THSD7A: variants seen among roughly 807,000 people sequenced by gnomAD.
The protein encoded by THSD7A is thrombospondin type 1 domain containing 7A.
THSD7A carries 96 observed loss-of-function variants against 231.3 expected under a neutral mutation model. The observed-to-expected ratio is 0.41, with a 90% CI of 0.35 to 0.49. THSD7A has a LOEUF of 0.49. Among genes scored for constraint, THSD7A ranks in the 20% least tolerant of loss-of-function variants. THSD7A has a pLI of 0.05. For missense variants in THSD7A, 2,290 were observed against 2,070.2 expected (o/e 1.11, Z -2.06); for synonymous variants, 940 against 743.3 (o/e 1.26, Z -4.30).
chr7:11,510,589 C>A (rs1373273488), intron 6 of THSD7A, among the ~76,000 whole-genome samples: 1 of 152,182 alleles, frequency 6.6e-6, no homozygotes, highest in Non-Finnish European at 1.5e-5. Flanking sequence ...ATCAAGTTGG[C>A]TTCATCCCTG....
chr7:11,481,504 GC>G (rs1462371062), intron 7 of THSD7A, among the ~76,000 whole-genome samples: 1 of 152,054 alleles, frequency 6.6e-6, no homozygotes, highest in Non-Finnish European at 1.5e-5. Flanking sequence ...CTTCTTAAAG[GC>G]CTAACACTTT....
chr7:11,394,308 G>A (rs542981882), intron 23 of THSD7A, among the ~76,000 whole-genome samples: 44 of 152,232 alleles, frequency 2.9e-4, no homozygotes, highest in Middle Eastern at 3.4e-3. Flanking sequence ...AGACAAGCAA[G>A]TGCTGAGAGA....
intron 2 of THSD7A, among the ~76,000 whole-genome samples, chr7:11,618,561 G>A (rs946671779): frequency 6.6e-6 from 1 of 152,044 alleles, no homozygotes; most frequent in Non-Finnish European, 1.5e-5. Context: ...CAGCATCTTG[G>A]GAGGCCGAGG....
intron 6 of THSD7A, among the ~76,000 whole-genome samples, chr7:11,526,372 A>G (rs1364544491): frequency 6.6e-6 from 1 of 152,042 alleles, no homozygotes; most frequent in Non-Finnish European, 1.5e-5. Flanking sequence ...CTTTTTAAAA[A>G]CTTCAGTGAT....
At chr7:11,641,097 A>C (rs1782060965) in intron 1 of THSD7A, among the ~76,000 whole-genome samples, 1 of 152,154 alleles carries the variant, frequency 6.6e-6, no homozygotes, top group Admixed American at 6.5e-5. Flanking sequence ...GTTATTTCAA[A>C]TTCAGAATTC....
intron 9 of THSD7A, among the ~76,000 whole-genome samples, chr7:11,466,939 T>C (rs1465506937): frequency 2.0e-5 from 3 of 152,004 alleles, no homozygotes; most frequent in Non-Finnish European, 4.4e-5. Context: ...CCACAAGAAA[T>C]GAGCCCTCCC....
chr7:11,819,919 A>G (rs573009171), intron 1 of THSD7A, among the ~76,000 whole-genome samples: 1 of 152,336 alleles, frequency 6.6e-6, no homozygotes, highest in Admixed American at 6.5e-5. Flanking sequence ...GAATGGGAAC[A>G]TAAGGCAACT....
intron 4 of THSD7A, among the ~76,000 whole-genome samples, chr7:11,561,689 G>T (rs181425739): frequency 6.6e-6 from 1 of 152,098 alleles, no homozygotes; most frequent in African/African-American, 2.4e-5. Flanking sequence ...TGGCCAAATG[G>T]CAAAACCCCA....
At chr7:11,662,898 A>G (rs1433741125) in intron 1 of THSD7A, among the ~76,000 whole-genome samples, 2 of 151,466 alleles carry the variant, frequency 1.3e-5, no homozygotes, top group Non-Finnish European at 1.5e-5. Context: ...AAAATTTGTG[A>G]CATAAAGCTA....
intron 1 of THSD7A, among the ~76,000 whole-genome samples, chr7:11,679,037 G>T (rs529065826): frequency 3.4e-4 from 51 of 152,224 alleles, no homozygotes; most frequent in African/African-American, 1.1e-3. Flanking sequence ...TGCAAGGCTG[G>T]TTCAACATAT....
intron 6 of THSD7A, among the ~76,000 whole-genome samples, chr7:11,520,813 T>G (rs925139758): frequency 6.6e-5 from 10 of 152,158 alleles, no homozygotes; most frequent in Non-Finnish European, 1.5e-4. Context: ...ACAGAAGCCT[T>G]CTTCTGTTGG....
At chr7:11,587,859 T>A (rs916509900) in intron 4 of THSD7A, among the ~76,000 whole-genome samples, 8 of 152,278 alleles carry the variant, frequency 5.3e-5, no homozygotes, top group African/African-American at 1.7e-4. Flanking sequence ...GCTTTCAGTA[T>A]TTTTTTGTAC....
intron 2 of THSD7A, among the ~76,000 whole-genome samples, chr7:11,608,917 G>T (rs1163688946): frequency 6.6e-6 from 1 of 152,044 alleles, no homozygotes; most frequent in Non-Finnish European, 1.5e-5. Flanking sequence ...CAATTCTCCT[G>T]TATGTAATTT....
At chr7:11,726,397 A>G (rs532491030) in intron 1 of THSD7A, among the ~76,000 whole-genome samples, 1 of 152,162 alleles carries the variant, frequency 6.6e-6, no homozygotes, top group African/African-American at 2.4e-5. Context: ...TGTAAAACAC[A>G]CTGATTCATA....
At chr7:11,753,682 C>T (rs1005775954) in intron 1 of THSD7A, among the ~76,000 whole-genome samples, 6 of 151,634 alleles carry the variant, frequency 4.0e-5, no homozygotes, top group African/African-American at 1.5e-4. Flanking sequence ...TGCCCTAAGA[C>T]CTGAGACCAT....
At chr7:11,728,032 A>G (rs1234027728) in intron 1 of THSD7A, among the ~76,000 whole-genome samples, 3 of 152,010 alleles carry the variant, frequency 2.0e-5, no homozygotes, top group Non-Finnish European at 4.4e-5. Flanking sequence ...TTGTTACTCC[A>G]AGTATGGTCA....
chr7:11,406,581 A>G lies in THSD7A; in HGVS notation c.4063-107T>C. 7.9e-7 allele frequency: 1 copy of G among 1,263,196 alleles called. No individual in the cohort carries two copies. The highest frequency in any genetic ancestry group is 1.1e-6 in the Non-Finnish European group (1 of 933,576). The allele number at this position is 1,263,196 out of a possible 1,614,324, so 78.2% of individuals were successfully genotyped here. A position where few individuals can be genotyped will look rare whatever the true frequency, so the allele number is the denominator to read the frequency against. Reference sequence around the variant, plus strand: ...CTGACTTTGATTTATGAACATTTAGAGAAGGATTTGAAACCCTAGGGAAGA... The same window carrying G: ...CTGACTTTGATTTATGAACATTTAGGGAAGGATTTGAAACCCTAGGGAAGA... On this transcript the variant is annotated intron_variant, in intron 21 of 27. Coordinates refer to ENST00000423059, the MANE Select transcript of THSD7A (RefSeq NM_015204.3). This position sits in a 1 kb window ranked among gnomAD's most constrained non-coding sequence, Gnocchi z 4.7.
At position 11,738,603 on chromosome 7, in the gene THSD7A, G is replaced by A. The variant is rs191662686; in HGVS notation, c.190+93154C>T. Among the ~76,000 whole-genome samples the A allele has an allele frequency of 3.3e-5, 5 of 151,926 alleles. No individual in the cohort carries two copies. The South Asian group carries it at 1.0e-3, about 32-fold the overall frequency. On this transcript the variant is annotated intron_variant, in intron 1 of 27. Transcript: ENST00000423059. ...GCCTCAGAGTCCTCGCTCTAAACTG[G>A]TGAAACTTGTGGTAGGCAGAATAAT...
chr7:11,631,354 G>A (rs1248532091), intron 2 of THSD7A, among the ~76,000 whole-genome samples: 1 of 152,148 alleles, frequency 6.6e-6, no homozygotes, highest in East Asian at 1.9e-4. Flanking sequence ...AGGCAGGGGA[G>A]TGGAGTAAAA....
Sources: gnomAD v4.1 joint callset for allele counts (sites outside exome capture counted in the v4.1 genomes callset) on GRCh38, gnomAD v4.1.1 for gene constraint, Gnocchi (gnomAD v3.1) non-coding constraint, MANE v1.5 for transcripts, NCBI Gene and HGNC (gene_info 2026-07-23, HGNC 2026-07-21) for gene names.